MOK: variants seen among roughly 807,000 people sequenced by gnomAD.
The protein encoded by MOK is MOK protein kinase, also known as MAPK/MAK/MRK overlapping kinase.
In MOK, 59 loss-of-function variants were observed where a neutral mutation model predicts 54.2. The observed-to-expected ratio is 1.09, with a 90% CI of 0.88 to 1.35. The LOEUF is 1.35. MOK is among the 40% of genes most tolerant of loss of function. The pLI is 0.00. For synonymous variants in MOK, 210 were observed against 202.7 expected (o/e 1.04, Z -0.31); for missense variants, 517 against 526.2 (o/e 0.98, Z 0.17).
intron 8 of MOK, 79 bp downstream of exon 8, chr14:102,233,609 G>A: frequency 7.9e-7 from 1 of 1,268,176 alleles, no homozygotes; most frequent in Non-Finnish European, 1.1e-6. Flanking sequence ...GTTTGAGGGA[G>A]GCACAGGGAG....
At chr14:102,272,716 G>C (rs558876668) in intron 2 of MOK, among the ~76,000 whole-genome samples, 17 of 152,248 alleles carry the variant, frequency 1.1e-4, no homozygotes, top group African/African-American at 3.9e-4. Flanking sequence ...TACCAATTCA[G>C]GACAAAAATT....
Position 102,229,173 on chromosome 14 carries a change from C to A in MOK, c.*116G>T. On this transcript the variant is annotated 3_prime_UTR_variant, in exon 12 of 12. Transcript: ENST00000361847. ...GCAGCACCCAGAGCCCCGGCCAGCG[C>A]GAAACGGACGCAGGCGCATCCCCAG... 8.7e-7 allele frequency: 1 copy of A among 1,155,602 alleles called. No homozygotes were observed. The highest frequency in any genetic ancestry group is 1.2e-6 in the Non-Finnish European group (1 of 828,842). The allele number at this position is 1,155,602 out of a possible 1,614,324, so 71.6% of individuals were successfully genotyped here.
chr14:102,269,785 T>G (rs1388160094), intron 2 of MOK, among the ~76,000 whole-genome samples: 1 of 152,056 alleles, frequency 6.6e-6, no homozygotes, highest in East Asian at 1.9e-4. Context: ...AATGAGAAAA[T>G]TTTAATATAC....
At position 102,300,421 on chromosome 14, in the gene MOK, T is replaced by C. The variant is rs142733689; in HGVS notation, c.7+4541A>G. ...AAAATTAGCTGGGCGAGGAGGCACATGCCTGTGGTCCTAACTACTCAGGAG... is the reference window on the plus strand; with the variant it reads ...AAAATTAGCTGGGCGAGGAGGCACACGCCTGTGGTCCTAACTACTCAGGAG... On this transcript the variant is annotated intron_variant, in intron 1 of 11. Coordinates refer to ENST00000361847, the MANE Select transcript of MOK (RefSeq NM_014226.3). Among the ~76,000 whole-genome samples the C allele has an allele frequency of 1.7e-3, 247 of 142,632 alleles. 1 individual carries two copies. The highest frequency in any genetic ancestry group is 6.3e-3 in the African/African-American group (239 of 38,064). The allele number at this position is 142,632 out of a possible 152,430, so 93.6% of individuals were successfully genotyped here.
intron 2 of MOK, among the ~76,000 whole-genome samples, chr14:102,279,532 C>T (rs1208776391): frequency 6.6e-6 from 1 of 152,104 alleles, no homozygotes; most frequent in East Asian, 1.9e-4. Flanking sequence ...TCTTTAACTT[C>T]CAGGCTCAAC....
At chr14:102,247,969 T>A (rs762334740) in intron 7 of MOK, among the ~76,000 whole-genome samples, 4 of 152,178 alleles carry the variant, frequency 2.6e-5, no homozygotes, top group Non-Finnish European at 5.9e-5. Context: ...TCTCACTCAG[T>A]TTTTACAGGA....
At chr14:102,293,701 C>CCAAAAAAAAAAAAAAAAAAAAAAAAA (rs1432616309) in intron 1 of MOK, among the ~76,000 whole-genome samples, 6 of 54,598 alleles carry the variant, frequency 1.1e-4, no homozygotes, top group African/African-American at 1.7e-4. Flanking sequence ...AACTCCATCA[C>CCAAAAAAAAAAAAAAAAAAAAAAAAA]AAAAAAAAAA....
downstream of MOK, chr14:102,224,578 T>G (rs777640095): frequency 2.4e-5 from 11 of 455,918 alleles, no homozygotes; most frequent in South Asian, 1.5e-4. Context: ...CACATTAAAT[T>G]GGGGGCATGT....
At chr14:102,244,932 A>C (rs185549727) in intron 7 of MOK, among the ~76,000 whole-genome samples, 13,052 of 151,760 alleles carry the variant, frequency 0.086, 611 homozygotes, top group African/African-American at 0.12. Context: ...AACACACCTC[A>C]CCAAACTCAG....
intron 1 of MOK, among the ~76,000 whole-genome samples, chr14:102,295,784 A>G (rs1378331137): frequency 6.6e-6 from 1 of 152,226 alleles, no homozygotes; most frequent in Non-Finnish European, 1.5e-5. Flanking sequence ...TTAAAATTGA[A>G]ATTACACCTA....
At position 102,249,882 on chromosome 14, in the gene MOK, T is replaced by C. The variant is rs2066390946; in HGVS notation, c.590+930A>G. 6.6e-6 allele frequency among the ~76,000 whole-genome samples: 1 copy of C among 152,084 alleles called. No individual in the cohort carries two copies. On this transcript the variant is annotated intron_variant, in intron 7 of 11. Transcript: ENST00000361847. This position sits in a 1 kb window ranked among gnomAD's most constrained non-coding sequence, Gnocchi z 5.3. ...GAAATGCGGGTGAGCAGGAAACAGC[T>C]CCAAGTGGGGAGATGAGTGCCTCAG... is the stretch of plus-strand genomic sequence containing the variant.
In MOK at chr14:102,288,080, C is replaced by T. The variant is rs966561496; in HGVS notation, c.8-4488G>A. Among the ~76,000 whole-genome samples the T allele has an allele frequency of 8.0e-5, 12 of 150,234 alleles. No homozygotes were observed. The South Asian group carries it at 1.9e-3, about 24-fold the overall frequency. ...CGATCTCCTGACCTCATGATCCACCCGCCTCGGCCTCCCAAAGTGCTGGGA... is the reference window on the plus strand; with the variant it reads ...CGATCTCCTGACCTCATGATCCACCTGCCTCGGCCTCCCAAAGTGCTGGGA... On this transcript the variant is annotated intron_variant, in intron 1 of 11. Coordinates refer to ENST00000361847, the MANE Select transcript of MOK (RefSeq NM_014226.3).
intron 1 of MOK, among the ~76,000 whole-genome samples, chr14:102,287,196 T>A (rs1447239195): frequency 6.6e-6 from 1 of 152,182 alleles, no homozygotes; most frequent in South Asian, 2.1e-4. Context: ...TCAGTGGGCG[T>A]GGTGGCTCAC....
In MOK at chr14:102,304,546, A is replaced by T. The variant is rs567421881; in HGVS notation, c.7+416T>A. ...CACTAAACCAGTATCATGAAAAGGC[A>T]GGGAGCCACGCTGTAAGCGCTCCCC... On this transcript the variant is annotated intron_variant, in intron 1 of 11. Transcript: ENST00000361847. 7.2e-5 allele frequency among the ~76,000 whole-genome samples: 11 copies of T among 152,358 alleles called. No homozygotes were observed. The East Asian group carries it at 1.5e-3, about 21-fold the overall frequency.
At chr14:102,286,907 C>T (rs577097799) in intron 1 of MOK, among the ~76,000 whole-genome samples, 29 of 134,446 alleles carry the variant, frequency 2.2e-4, no homozygotes, top group Non-Finnish European at 3.7e-4. Context: ...GAGACTCCGT[C>T]TCAAAAATAA....
intron 1 of MOK, among the ~76,000 whole-genome samples, chr14:102,284,930 A>C (rs1215392525): frequency 6.6e-6 from 1 of 152,030 alleles, no homozygotes; most frequent in Non-Finnish European, 1.5e-5. Context: ...AAAAATACAA[A>C]AAATTAGCCA....
intron 1 of MOK, 58 bp from the exon 2 acceptor site, chr14:102,283,650 C>T (rs2069715652): frequency 9.5e-7 from 1 of 1,051,010 alleles, no homozygotes; most frequent in Admixed American, 2.1e-5. Flanking sequence ...CTTGTATTCA[C>T]TTCCAGACAG....
chr14:102,234,082 C>CT, intron 7 of MOK: 2 of 295,014 alleles, frequency 6.8e-6, no homozygotes, highest in South Asian at 1.3e-4. Context: ...GCTGCTTCCT[C>CT]TGACTGTTAA....
At chr14:102,286,225 G>A (rs1415852869) in intron 1 of MOK, among the ~76,000 whole-genome samples, 2 of 149,176 alleles carry the variant, frequency 1.3e-5, no homozygotes, top group African/African-American at 5.0e-5. Flanking sequence ...CGTGAACCCA[G>A]GAGGCGGAGC....
Sources: allele counts gnomAD v4.1 joint callset (sites outside exome capture counted in the v4.1 genomes callset), GRCh38; gene constraint gnomAD v4.1.1; non-coding constraint Gnocchi (gnomAD v3.1); transcripts MANE v1.5; gene names NCBI Gene and HGNC (gene_info 2026-07-23, HGNC 2026-07-21).